HMCN2: variants seen among roughly 807,000 people sequenced by gnomAD.
The protein encoded by HMCN2 is hemicentin-2.
In HMCN2, 325 loss-of-function variants were observed where a neutral mutation model predicts 377.5. The observed-to-expected ratio is 0.86, with a 90% confidence interval of 0.79 to 0.94. The LOEUF (loss-of-function observed/expected upper bound fraction) is 0.94, where lower values mean the gene tolerates loss of function less well. HMCN2 is among the 40% of genes least tolerant of loss of function. The pLI, the probability that HMCN2 is intolerant of heterozygous loss-of-function variation, is 0.00. For synonymous variants in HMCN2, 2,007 were observed against 2,046.8 expected, an observed-to-expected ratio of 0.98 and a Z score of 0.53; for missense variants, 4,543 against 4,725.3, an observed-to-expected ratio of 0.96 and a Z score of 1.13.
intron 15 of HMCN2, among the ~76,000 whole-genome samples, chr9:130,316,745 C>A (rs1411220247): frequency 3.9e-5 from 6 of 152,206 alleles, no homozygotes; most frequent in Non-Finnish European, 7.3e-5. Flanking sequence ...AGCTCGCTGT[C>A]CTCCCTGGGT....
intron 8 of HMCN2, among the ~76,000 whole-genome samples, chr9:130,300,227 T>C (rs1200135361): frequency 4.6e-5 from 7 of 151,728 alleles, no homozygotes; most frequent in African/African-American, 1.7e-4. Flanking sequence ...TTAATTCACC[T>C]ATCTATCCAT....
chr9:130,319,609 G>C lies in HMCN2; in HGVS notation c.2465G>C (p.Gly822Ala), dbSNP rs1207247518. 1.3e-5 allele frequency: 2 copies of C among 152,186 alleles called. No individual in the cohort carries two copies. Among genetic ancestry groups the C allele is most frequent in the Non-Finnish European group, 2.9e-5 (2 of 68,042 alleles). 9.4% of individuals were successfully genotyped at this position (152,186 alleles called of 1,614,324 possible). The change falls in exon 16 of 98, where the codon GGA becomes GCA. Residue 822 changes from glycine (G) to alanine (A), a missense_variant. By Grantham distance (60) the Gly-to-Ala change is moderately conservative. Transcript: ENST00000683500. ...RPPPTVTWRR[G>A]DGQPLGLRLG... is the part of the protein sequence containing the mutation. ...CCCCCGACGGTCACCTGGCGCCGCG[G>C]AGATGGCCAGCCTCTGGGACTCAGG... is the stretch of plus-strand genomic sequence containing the variant.
At position 130,434,003 on chromosome 9, in the gene HMCN2, C is replaced by A. The variant is rs1181504146; in HGVS notation, c.*310C>A. On this transcript the variant is annotated 3_prime_UTR_variant, in exon 98 of 98. Coordinates refer to ENST00000683500, the MANE Select transcript of HMCN2 (RefSeq NM_001291815.2). The stretch of plus-strand genomic sequence containing the variant: ...GGGAGCGGGACAGGGACACAGGGCA[C>A]CTGGACGCGCGGGAGAGGGGGCAGA... 2 of 299,922 alleles carry A rather than the reference C, an allele frequency of 6.7e-6. No homozygotes were observed. Among genetic ancestry groups the A allele is most frequent in the Non-Finnish European group, 6.1e-6 (1 of 163,420 alleles). The allele number at this position is 299,922 out of a possible 1,614,324, so 18.6% of individuals were successfully genotyped here.
intron 1 of HMCN2, among the ~76,000 whole-genome samples, chr9:130,278,619 G>A (rs1369446334): frequency 2.2e-4 from 33 of 151,084 alleles, no homozygotes; most frequent in African/African-American, 6.8e-4. Context: ...TTTTGCTCTT[G>A]TTGCCCAGGC....
intron 90 of HMCN2, among the ~76,000 whole-genome samples, chr9:130,426,766 T>C (rs1844402419): frequency 6.6e-6 from 1 of 151,992 alleles, no homozygotes. Context: ...TGTGATTTTT[T>C]TTTTTTTTTT....
Position 130,369,857 on chromosome 9 carries a change from G to A in HMCN2, c.7069+6G>A. 1 of 986,048 alleles carries A rather than the reference G, an allele frequency of 1.0e-6. No homozygotes were observed. Among genetic ancestry groups the A allele is most frequent in the Non-Finnish European group, 1.2e-6 (1 of 830,342 alleles). The allele number at this position is 986,048 out of a possible 1,614,324, so 61.1% of individuals were successfully genotyped here. On this transcript the variant is annotated splice_donor_region_variant and intron_variant, in intron 45 of 97. Transcript: ENST00000683500. The surrounding 1 kb of genome is among the most constrained non-coding windows in gnomAD (Gnocchi z 4.5). Reference sequence around the variant, plus strand: ...GTTTGAGCTCTCCGTACTGGGTGAGGACCGGCAGCTGCTGGAGGAGTTGGG... The same window carrying A: ...GTTTGAGCTCTCCGTACTGGGTGAGAACCGGCAGCTGCTGGAGGAGTTGGG...
chr9:130,326,160 TG>T (rs1240101639), intron 21 of HMCN2, among the ~76,000 whole-genome samples, 190 bp downstream of exon 21: 3 of 152,124 alleles, frequency 2.0e-5, no homozygotes, highest in Non-Finnish European at 2.9e-5. Context: ...CCAGACCCTC[TG>T]GTCTCCTTTC....
rs1349416124 is a variant in HMCN2, at chr9:130,351,001, A to G, written c.4431-422A>G. On this transcript the variant is annotated intron_variant, in intron 29 of 97. Transcript: ENST00000683500. The surrounding 1 kb of genome is among the most constrained non-coding windows in gnomAD (Gnocchi z 5.4). The stretch of plus-strand genomic sequence containing the variant: ...AGTTCCTGACATTCCATCACCCCAA[A>G]AGGACACCCTGGACCCATCAGCAGC... 6.6e-6 allele frequency among the ~76,000 whole-genome samples: 1 copy of G among 152,120 alleles called. No homozygotes were observed. The highest frequency in any genetic ancestry group is 1.5e-5 in the Non-Finnish European group (1 of 68,008).
chr9:130,267,476 A>ACACACGCGCG (rs1265312371), intron 1 of HMCN2, among the ~76,000 whole-genome samples: 1 of 149,818 alleles, frequency 6.7e-6, no homozygotes, highest in East Asian at 2.0e-4. Flanking sequence ...ACACACACAC[A>ACACACGCGCG]CGCACAGATT....
At chr9:130,340,351 G>A (rs1015621463) in intron 23 of HMCN2, among the ~76,000 whole-genome samples, 53 of 152,344 alleles carry the variant, frequency 3.5e-4, no homozygotes, top group Non-Finnish European at 6.6e-4. Context: ...TGATGAGGGG[G>A]AACTGAGGCT....
chr9:130,308,324 G>A lies in HMCN2; in HGVS notation c.2200+758G>A, dbSNP rs963687231. Among the ~76,000 whole-genome samples, 9 of 152,180 alleles carry A rather than the reference G, an allele frequency of 5.9e-5. No homozygotes were observed. The highest frequency in any genetic ancestry group is 2.2e-4 in the African/African-American group (9 of 41,428). On this transcript the variant is annotated intron_variant, in intron 14 of 97. Coordinates refer to ENST00000683500, the MANE Select transcript of HMCN2 (RefSeq NM_001291815.2). The surrounding 1 kb of genome is among the most constrained non-coding windows in gnomAD (Gnocchi z 4.1). Reference sequence around the variant, plus strand: ...GCTTGGCATTCTTAGTGATAGTGCCGACGATAATGTGATTATCTGAAAATG... The same window carrying A: ...GCTTGGCATTCTTAGTGATAGTGCCAACGATAATGTGATTATCTGAAAATG...
At chr9:130,317,149 G>T (rs1837603014) in intron 15 of HMCN2, among the ~76,000 whole-genome samples, 1 of 152,078 alleles carries the variant, frequency 6.6e-6, no homozygotes, top group Non-Finnish European at 1.5e-5. Flanking sequence ...CAGGGGTGGG[G>T]TGGTTGAGAG....
rs577651604 is a variant in HMCN2 at position 130,384,014 on chromosome 9, C to T, written c.8831-359C>T. The stretch of plus-strand genomic sequence containing the variant: ...GTCCCGGAGCCTGCACTCCTAACCT[C>T]TGCAACTCATGACGTACACCGCACT... On this transcript the variant is annotated intron_variant, in intron 57 of 97. Transcript: ENST00000683500. 1.5e-3 allele frequency among the ~76,000 whole-genome samples: 230 copies of T among 152,294 alleles called. 3 individuals carry two copies. The highest frequency in any genetic ancestry group is 5.1e-3 in the African/African-American group (212 of 41,552).
intron 54 of HMCN2, among the ~76,000 whole-genome samples, chr9:130,380,278 A>G (rs922310547): frequency 6.6e-6 from 1 of 152,024 alleles, no homozygotes; most frequent in East Asian, 1.9e-4. Flanking sequence ...AATTTTTTGT[A>G]GGTGATTTTG....
At chr9:130,346,339 A>T (rs1419360362) in intron 25 of HMCN2, among the ~76,000 whole-genome samples, 1 of 152,150 alleles carries the variant, frequency 6.6e-6, no homozygotes, top group East Asian at 1.9e-4. Flanking sequence ...GGGCCCGTGA[A>T]TGAAAGCTCC....
chr9:130,413,134 G>C (rs2313523), intron 85 of HMCN2, among the ~76,000 whole-genome samples: 58,066 of 152,046 alleles, frequency 0.38, 11,487 homozygotes, highest in Middle Eastern at 0.49. Context: ...TGTTTTCTTT[G>C]ATTTTTGGAT....
chr9:130,280,393 C>G (rs572158068), intron 1 of HMCN2, among the ~76,000 whole-genome samples: 2 of 150,784 alleles, frequency 1.3e-5, no homozygotes, highest in African/African-American at 2.4e-5. Flanking sequence ...AGGATGGTCT[C>G]GATCTCCTGA....
intron 21 of HMCN2, among the ~76,000 whole-genome samples, 153 bp from the exon 22 acceptor site, chr9:130,327,157 C>T (rs945478851): frequency 5.3e-5 from 8 of 152,094 alleles, no homozygotes; most frequent in East Asian, 1.9e-4. Flanking sequence ...GGACTCCCCC[C>T]CTTCTGACAG....
intron 82 of HMCN2, chr9:130,407,316 G>A: frequency 3.7e-6 from 1 of 267,826 alleles, no homozygotes; most frequent in Non-Finnish European, 7.4e-6. Flanking sequence ...GTCCTGTGCT[G>A]AGAGGCCCCC....
Sources: gnomAD v4.1 joint callset for allele counts (sites outside exome capture counted in the v4.1 genomes callset) on GRCh38, gnomAD v4.1.1 for gene constraint, Gnocchi (gnomAD v3.1) non-coding constraint, MANE v1.5 for transcripts, NCBI Gene and HGNC (gene_info 2026-07-23, HGNC 2026-07-21) for gene names.